The following PRKG1 variants were observed in gnomAD, a reference collection of about 807,000 sequenced individuals.
PRKG1 encodes the protein cGMP-dependent protein kinase 1.
A neutral mutation model predicts 88.1 loss-of-function variants in PRKG1; 35 were observed. The observed-to-expected ratio is 0.40, with a 90% confidence interval of 0.30 to 0.53. The LOEUF (loss-of-function observed/expected upper bound fraction) is 0.53. Among genes scored for constraint, PRKG1 ranks in the 20% least tolerant of loss-of-function variants. PRKG1 has a pLI of 0.59. For synonymous variants in PRKG1, 303 were observed against 292.5 expected, an observed-to-expected ratio of 1.04 and a Z score of -0.37; for missense variants, 540 against 839.8, an observed-to-expected ratio of 0.64 and a Z score of 4.41.
chr10:51,406,126 A>G (rs956984985), intron 2 of PRKG1, among the ~76,000 whole-genome samples: 2 of 152,070 alleles, frequency 1.3e-5, no homozygotes, highest in Admixed American at 1.3e-4. Flanking sequence ...TAATGATGTT[A>G]ACTACCCTGG....
intron 6 of PRKG1, 126 bp downstream of exon 6, chr10:52,054,687 AT>A (rs1391257310): frequency 2.8e-6 from 2 of 715,866 alleles, no homozygotes; most frequent in African/African-American, 1.8e-5. Context: ...ACAGAGAGGT[AT>A]TAGAGAATGG....
chr10:51,600,643 T>C (rs1273161573), intron 3 of PRKG1, among the ~76,000 whole-genome samples: 16 of 152,220 alleles, frequency 1.1e-4, no homozygotes. Context: ...TTTTAAATTA[T>C]GAATGACATT....
chr10:51,333,245 A>C (rs1460842271), intron 2 of PRKG1, among the ~76,000 whole-genome samples: 3 of 152,242 alleles, frequency 2.0e-5, no homozygotes, highest in African/African-American at 7.2e-5. Flanking sequence ...AATGTGTGAC[A>C]CTGGCTATCT....
chr10:51,214,057 G>A (rs1242099480), intron 2 of PRKG1, among the ~76,000 whole-genome samples: 1 of 152,062 alleles, frequency 6.6e-6, no homozygotes. Context: ...TTACAACTGA[G>A]TTCAAAAATT....
At chr10:51,052,985 T>C (rs1004091353) in intron 1 of PRKG1, among the ~76,000 whole-genome samples, 5 of 152,188 alleles carry the variant, frequency 3.3e-5, no homozygotes, top group African/African-American at 1.2e-4. Context: ...ATCTCAGCAC[T>C]TTGGGAGGTC....
intron 1 of PRKG1, among the ~76,000 whole-genome samples, chr10:51,122,642 T>G (rs925267375): frequency 2.0e-5 from 3 of 152,192 alleles, no homozygotes; most frequent in African/African-American, 7.2e-5. Flanking sequence ...CTTCTTGGTT[T>G]TCTTCTAAGA....
intron 3 of PRKG1, among the ~76,000 whole-genome samples, chr10:51,656,356 A>C (rs996146219): frequency 6.6e-6 from 1 of 152,124 alleles, no homozygotes; most frequent in African/African-American, 2.4e-5. Flanking sequence ...TTTTGATCAC[A>C]CTTGGTCGTG....
chr10:51,409,281 T>G (rs1471666340), intron 2 of PRKG1, among the ~76,000 whole-genome samples: 1 of 152,166 alleles, frequency 6.6e-6, no homozygotes, highest in East Asian at 1.9e-4. Context: ...AGGCCATCGA[T>G]GCAGGCTGGG....
At chr10:52,062,697 G>C (rs895020555) in intron 7 of PRKG1, 66 bp downstream of exon 7, 1 of 1,231,010 alleles carries the variant, frequency 8.1e-7, no homozygotes, top group African/African-American at 1.5e-5. Flanking sequence ...CTGAAATTTT[G>C]AGCTCCTAGC....
intron 9 of PRKG1, among the ~76,000 whole-genome samples, chr10:52,223,867 A>G (rs1207376509): frequency 6.6e-6 from 1 of 152,098 alleles, no homozygotes. Flanking sequence ...TCTTGGTCCA[A>G]CAGCAAATCA....
At chr10:51,538,187 T>C (rs1842206026) in intron 3 of PRKG1, among the ~76,000 whole-genome samples, 1 of 152,124 alleles carries the variant, frequency 6.6e-6, no homozygotes, top group Non-Finnish European at 1.5e-5. Context: ...TTTGTCCGTG[T>C]AGCTTAATCA....
chr10:52,091,443 G>T (rs546374678), intron 7 of PRKG1, among the ~76,000 whole-genome samples: 114 of 152,268 alleles, frequency 7.5e-4, no homozygotes, highest in African/African-American at 2.7e-3. Context: ...CAAACTCATA[G>T]ATCCTGGAGA....
chr10:51,321,068 TA>T (rs34910944), intron 2 of PRKG1, among the ~76,000 whole-genome samples: 1 of 151,640 alleles, frequency 6.6e-6, no homozygotes, highest in Non-Finnish European at 1.5e-5. Context: ...TTAGAGGAAT[TA>T]AAAAAAAATT....
At chr10:51,061,136 A>G (rs1843688236) in intron 1 of PRKG1, among the ~76,000 whole-genome samples, 1 of 151,440 alleles carries the variant, frequency 6.6e-6, no homozygotes. Context: ...GAGACTGGGT[A>G]ATTTATAAAG....
chr10:51,745,238 T>C (rs1023260544), intron 3 of PRKG1, among the ~76,000 whole-genome samples: 4 of 151,464 alleles, frequency 2.6e-5, no homozygotes, highest in African/African-American at 4.9e-5. Context: ...TTGGGAAAAG[T>C]TTTTTTTTAC....
chr10:51,665,817 T>C (rs904888297), intron 3 of PRKG1, among the ~76,000 whole-genome samples: 4 of 152,110 alleles, frequency 2.6e-5, no homozygotes, highest in Admixed American at 2.0e-4. Context: ...ATAAGAGATA[T>C]TGTCATCGAC....
chr10:52,088,424 A>C (rs563532141), intron 7 of PRKG1, among the ~76,000 whole-genome samples: 1 of 151,892 alleles, frequency 6.6e-6, no homozygotes, highest in East Asian at 1.9e-4. Flanking sequence ...TATGGTTTGA[A>C]TGTTGTGTCC....
At chr10:52,230,395 C>T (rs1840493410) in intron 9 of PRKG1, among the ~76,000 whole-genome samples, 1 of 152,200 alleles carries the variant, frequency 6.6e-6, no homozygotes, top group African/African-American at 2.4e-5. Flanking sequence ...ATTATTATTA[C>T]TAATGATTGC....
intron 1 of PRKG1, among the ~76,000 whole-genome samples, chr10:51,091,390 TC>T (rs1252616004): frequency 6.6e-6 from 1 of 152,164 alleles, no homozygotes; most frequent in Non-Finnish European, 1.5e-5. Flanking sequence ...CCTGCTCTAC[TC>T]CCAGGACCTG....
Sources: gnomAD v4.1 joint callset for allele counts (sites outside exome capture counted in the v4.1 genomes callset) on GRCh38, gnomAD v4.1.1 for gene constraint, MANE v1.5 for transcripts, NCBI Gene and HGNC (gene_info 2026-07-23, HGNC 2026-07-21) for gene names.